The following CDH10 variants were observed in gnomAD, a reference collection of about 807,000 sequenced individuals.
The protein encoded by CDH10 is cadherin-10.
CDH10 carries 30 observed loss-of-function variants against 73.1 expected under a neutral mutation model. The ratio of observed to expected loss-of-function variants is 0.41; its 90% CI spans 0.31 to 0.56. CDH10 has a LOEUF of 0.56. Ranked by LOEUF, CDH10 falls within the 20% of genes least tolerant of loss-of-function variation. The probability of loss-of-function intolerance (pLI) is 0.27; values close to 1 mark genes in which losing one functional copy is unlikely to be tolerated. For missense variants in CDH10, 815 were observed against 973.7 expected (o/e 0.84, Z 2.17); for synonymous variants, 345 against 348.2 (o/e 0.99, Z 0.10).
chr5:24,609,039 T>C (rs534015616), intron 1 of CDH10, among the ~76,000 whole-genome samples: 152 of 152,334 alleles, frequency 1.0e-3, no homozygotes, highest in African/African-American at 3.5e-3. Context: ...TTTCAAATTG[T>C]ATTTTCTTCA....
chr5:24,513,610 G>T (rs1268823848), intron 5 of CDH10, among the ~76,000 whole-genome samples: 1 of 152,056 alleles, frequency 6.6e-6, no homozygotes, highest in Admixed American at 6.6e-5. Context: ...ATATACATAC[G>T]CTACATGTTG....
intron 1 of CDH10, among the ~76,000 whole-genome samples, chr5:24,629,235 T>C (rs948419190): frequency 6.6e-6 from 1 of 152,142 alleles, no homozygotes; most frequent in African/African-American, 2.4e-5. Context: ...CTTTCTCTTT[T>C]AAAACTGATT....
In CDH10 at chr5:24,528,802, G is replaced by T. The variant is rs549466404; in HGVS notation, c.814+6310C>A. The stretch of plus-strand genomic sequence containing the variant: ...ATGCATCAAGGAAGATTAAATTTTT[G>T]ATGTGCCAATATCTTTCTAGGTGTA... On this transcript the variant is annotated intron_variant, in intron 5 of 11. Coordinates refer to ENST00000264463, the MANE Select transcript of CDH10 (RefSeq NM_006727.5). Among the ~76,000 whole-genome samples the T allele has an allele frequency of 1.1e-3, 164 of 152,036 alleles. 2 individuals are homozygous for T. The highest frequency in any genetic ancestry group is 3.8e-3 in the African/African-American group (159 of 41,550).
rs770846966 is a variant in CDH10, at chr5:24,511,338, T to C, written c.991A>G (p.Thr331Ala). The change falls in exon 6 of 12, where the codon ACT becomes GCT. Residue 331 changes from threonine (T) to alanine (A), a missense_variant. Thr to Ala is a moderately conservative substitution (Grantham distance 58). Transcript: ENST00000264463. ...TGGATGCTGTGCACCTTTTTCACAG[T>C]GATGATGCCTTCCTGTGTGTCCTTC... Reference protein sequence around the residue: ...TEKDTQEGIITVKKPLDYESR... With the variant: ...TEKDTQEGIIAVKKPLDYESR... The C allele has an allele frequency of 6.2e-7, 1 of 1,606,726 alleles. No individual in the cohort carries two copies. The highest frequency in any genetic ancestry group is 1.7e-5 in the Admixed American group (1 of 59,898).
chr5:24,504,390 C>T (rs1742604774), intron 8 of CDH10, among the ~76,000 whole-genome samples: 1 of 151,494 alleles, frequency 6.6e-6, no homozygotes. Flanking sequence ...TTCACTATTG[C>T]CTTTCTTTGT....
At chr5:24,590,347 TTAG>T (rs1161810023) in intron 2 of CDH10, among the ~76,000 whole-genome samples, 1 of 151,134 alleles carries the variant, frequency 6.6e-6, no homozygotes, top group Admixed American at 6.6e-5. Flanking sequence ...TGTAATATTA[TTAG>T]AAGTGAGTAC....
intron 1 of CDH10, among the ~76,000 whole-genome samples, chr5:24,602,294 T>A (rs1746592430): frequency 6.6e-6 from 1 of 152,156 alleles, no homozygotes; most frequent in South Asian, 2.1e-4. Context: ...CCAGAGAGAT[T>A]TATCATTTCA....
At chr5:24,516,110 A>G (rs1348192711) in intron 5 of CDH10, among the ~76,000 whole-genome samples, 2 of 152,174 alleles carry the variant, frequency 1.3e-5, no homozygotes, top group Non-Finnish European at 2.9e-5. Flanking sequence ...AATACTTGTC[A>G]AGTTACTGTG....
chr5:24,509,484 C>G (rs1349765194), intron 7 of CDH10, 82 bp downstream of exon 7: 1 of 1,262,024 alleles, frequency 7.9e-7, no homozygotes, highest in African/African-American at 1.5e-5. Flanking sequence ...CGTGATCCAC[C>G]CGCCTCGGCC....
At chr5:24,639,846 A>T (rs1747987479) in intron 1 of CDH10, among the ~76,000 whole-genome samples, 1 of 151,802 alleles carries the variant, frequency 6.6e-6, no homozygotes, top group African/African-American at 2.4e-5. Flanking sequence ...TCAATAACTT[A>T]TGCATTGAGC....
chr5:24,608,032 G>T (rs1205557027), intron 1 of CDH10, among the ~76,000 whole-genome samples: 1 of 152,024 alleles, frequency 6.6e-6, no homozygotes, highest in African/African-American at 2.4e-5. Flanking sequence ...TCCTTGGCTA[G>T]AAATATTAAT....
chr5:24,552,951 G>A (rs1000883849), intron 2 of CDH10, among the ~76,000 whole-genome samples: 49 of 152,008 alleles, frequency 3.2e-4, no homozygotes, highest in African/African-American at 1.2e-3. Context: ...CTGTCATCCT[G>A]TAATATTTCT....
chr5:24,642,885 G>A (rs1748099919), intron 1 of CDH10, among the ~76,000 whole-genome samples: 1 of 150,558 alleles, frequency 6.6e-6, no homozygotes, highest in Non-Finnish European at 1.5e-5. Flanking sequence ...GCATTCACCA[G>A]AGAAGTCAAT....
chr5:24,608,868 CAA>C (rs1025171476), intron 1 of CDH10, among the ~76,000 whole-genome samples: 1 of 152,142 alleles, frequency 6.6e-6, no homozygotes, highest in African/African-American at 2.4e-5. Flanking sequence ...GCTGCAATTT[CAA>C]AGTTATTAAA....
chr5:24,506,273 C>T (rs1561128948), intron 7 of CDH10, among the ~76,000 whole-genome samples: 2 of 152,248 alleles, frequency 1.3e-5, no homozygotes, highest in East Asian at 1.9e-4. Flanking sequence ...GTACGCTGGG[C>T]ATGATTTTAA....
chr5:24,497,078 T>A (rs1742318696), intron 9 of CDH10, among the ~76,000 whole-genome samples: 1 of 152,142 alleles, frequency 6.6e-6, no homozygotes, highest in South Asian at 2.1e-4. Context: ...CAGCTGTTTT[T>A]TAAATGTCCA....
intron 5 of CDH10, among the ~76,000 whole-genome samples, chr5:24,518,625 C>T (rs1027753254): frequency 6.6e-6 from 1 of 151,974 alleles, no homozygotes; most frequent in African/African-American, 2.4e-5. Flanking sequence ...GCAAATTCAG[C>T]CCTGCCACAA....
chr5:24,498,480 C>G lies in CDH10; in HGVS notation c.1433G>C (p.Arg478Thr), dbSNP rs2111684756. 3 of 1,599,204 alleles carry G rather than the reference C, an allele frequency of 1.9e-6. No homozygotes were observed. The South Asian group carries it at 3.3e-5, about 18-fold the overall frequency. The change falls in exon 9 of 12, where the codon AGA (arginine) becomes ACA (threonine). Residue 478 changes from arginine to threonine, a missense_variant. By Grantham distance (71) the Arg-to-Thr change is moderately conservative. Coordinates refer to ENST00000264463, the MANE Select transcript of CDH10 (RefSeq NM_006727.5). ...GGCATTGTCATTAACATCCAAAATT[C>G]TCACAAAAACAGCCACGCGTGTTGT... ...KETTRVAVFV[R>T]ILDVNDNAPQ...
chr5:24,500,839 C>A (rs1462737107), intron 8 of CDH10, among the ~76,000 whole-genome samples: 1 of 152,030 alleles, frequency 6.6e-6, no homozygotes, highest in Admixed American at 6.6e-5. Flanking sequence ...AAGTATTCAC[C>A]TAATAAAAAT....
Sources: gnomAD v4.1 joint callset for allele counts (sites outside exome capture counted in the v4.1 genomes callset) on GRCh38, gnomAD v4.1.1 for gene constraint, MANE v1.5 for transcripts, NCBI Gene and HGNC (gene_info 2026-07-23, HGNC 2026-07-21) for gene names.